IQSEC3: variants seen among roughly 807,000 people sequenced by gnomAD.
IQSEC3 encodes IQ motif and Sec7 domain ArfGEF 3.
In IQSEC3, 50 loss-of-function variants were observed where a neutral mutation model predicts 105.4. The ratio of observed to expected loss-of-function variants is 0.47; its 90% CI spans 0.38 to 0.60. The LOEUF is 0.60. IQSEC3 is among the 20% of genes least tolerant of loss of function. IQSEC3 has a pLI of 0.00. For synonymous variants in IQSEC3, 708 were observed against 746.0 expected (o/e 0.95, Z 0.83); for missense variants, 1,415 against 1,630.0 (o/e 0.87, Z 2.27).
At chr12:160,740 C>T (rs563866669) in intron 7 of IQSEC3, among the ~76,000 whole-genome samples, 1 of 152,264 alleles carries the variant, frequency 6.6e-6, no homozygotes, top group South Asian at 2.1e-4. Context: ...AGCTCTAAGC[C>T]CTTTGGTGGC....
At chr12:105,383 A>G (rs1234725294) in intron 2 of IQSEC3, among the ~76,000 whole-genome samples, 2 of 152,320 alleles carry the variant, frequency 1.3e-5, no homozygotes, top group East Asian at 3.9e-4. Flanking sequence ...GGGGTGGGAC[A>G]GAGTGGCACC....
chr12:90,160 A>G (rs1864037510), intron 1 of IQSEC3, among the ~76,000 whole-genome samples: 2 of 152,190 alleles, frequency 1.3e-5, no homozygotes, highest in Non-Finnish European at 2.9e-5. Flanking sequence ...GCAATTCCCT[A>G]ATGACTAGTG....
chr12:68,402 T>C (rs1453494561), intron 1 of IQSEC3, among the ~76,000 whole-genome samples: 3 of 152,172 alleles, frequency 2.0e-5, no homozygotes, highest in Non-Finnish European at 4.4e-5. Context: ...ATCACTGAAA[T>C]CTTGCCTTGG....
chr12:124,256 G>A (rs1555082553), intron 2 of IQSEC3, among the ~76,000 whole-genome samples: 1 of 151,908 alleles, frequency 6.6e-6, no homozygotes, highest in African/African-American at 2.4e-5. Context: ...GGGCGTGGTG[G>A]TGCATGCCTG....
At position 174,730 on chromosome 12, in the gene IQSEC3, G is replaced by A. The variant is rs780137448; in HGVS notation, c.3246G>A (p.Pro1082=). Residue 1082 remains proline, a synonymous_variant, in exon 14 of 14, where the codon CCG becomes CCA. Coordinates refer to ENST00000538872, the MANE Select transcript of IQSEC3 (RefSeq NM_001170738.2). ...AGCAGACCCCACCACTGCCGCCGCC[G>A]CCACCCACGCCCCCGGGCACCCTGG... ...PRQQTPPLPP[P]PPTPPGTLVQ... 30 of 1,588,960 alleles carry A rather than the reference G, an allele frequency of 1.9e-5. No individual in the cohort carries two copies. The highest frequency in any genetic ancestry group is 4.5e-5 in the East Asian group (2 of 44,626).
rs759072852 is a variant in IQSEC3, at chr12:177,872, C to G, written c.*2839C>G. The G allele has an allele frequency of 9.8e-5, 15 of 152,506 alleles. No homozygotes were observed. The highest frequency in any genetic ancestry group is 1.9e-4 in the Non-Finnish European group (13 of 68,362). The allele number at this position is 152,506 out of a possible 1,614,324, so 9.4% of individuals were successfully genotyped here. ...TGGGGGGTGCTCTCGGGCCTTCCTG[C>G]TCTCCTAAGGTTGCGGGGACAGTAG... On this transcript the variant is annotated 3_prime_UTR_variant, in exon 14 of 14. Coordinates refer to ENST00000538872, the MANE Select transcript of IQSEC3 (RefSeq NM_001170738.2). This position sits in a 1 kb window ranked among gnomAD's most constrained non-coding sequence, Gnocchi z 5.3.
intron 8 of IQSEC3, among the ~76,000 whole-genome samples, chr12:163,178 CT>C (rs1866983962): frequency 7.3e-6 from 1 of 136,694 alleles, no homozygotes; most frequent in Non-Finnish European, 1.6e-5. Context: ...CCCCTCCCCT[CT>C]CCTCCCTCCA....
At chr12:122,422 A>G (rs7975362) in intron 2 of IQSEC3, among the ~76,000 whole-genome samples, 86,369 of 152,104 alleles carry the variant, frequency 0.57, 25,140 homozygotes, top group East Asian at 0.69. Context: ...GTACATGAGT[A>G]TATGTGAGAG....
At chr12:86,547 T>C (rs544349976) in intron 1 of IQSEC3, among the ~76,000 whole-genome samples, 1 of 152,300 alleles carries the variant, frequency 6.6e-6, no homozygotes, top group African/African-American at 2.4e-5. Context: ...AGATAGATGC[T>C]GTCCATATCC....
chr12:84,283 A>G (rs535267512), intron 1 of IQSEC3, among the ~76,000 whole-genome samples: 1 of 152,340 alleles, frequency 6.6e-6, no homozygotes, highest in East Asian at 1.9e-4. Flanking sequence ...TGACTGGCAG[A>G]GTACCACCCA....
At chr12:127,573 G>GA (rs782684462) in intron 3 of IQSEC3, among the ~76,000 whole-genome samples, 5,443 of 145,184 alleles carry the variant, frequency 0.037, 307 homozygotes, top group African/African-American at 0.12. Flanking sequence ...TGGTTTTAAT[G>GA]AAAAAAAAAA....
At chr12:117,368 A>G (rs1178598381) in intron 2 of IQSEC3, among the ~76,000 whole-genome samples, 3 of 152,238 alleles carry the variant, frequency 2.0e-5, no homozygotes, top group African/African-American at 7.2e-5. Flanking sequence ...TGTTTATGAC[A>G]ATGTAAAATG....
At chr12:158,901 C>G (rs1482718365) in intron 7 of IQSEC3, among the ~76,000 whole-genome samples, 1 of 152,212 alleles carries the variant, frequency 6.6e-6, no homozygotes, top group Non-Finnish European at 1.5e-5. Flanking sequence ...TCAGGTGATC[C>G]GCCTGCCTCA....
chr12:117,400 G>A (rs1257465485), intron 2 of IQSEC3, among the ~76,000 whole-genome samples: 3 of 152,268 alleles, frequency 2.0e-5, no homozygotes, highest in Admixed American at 1.3e-4. Flanking sequence ...TAGGATTCCG[G>A]GGGCAGTAAG....
chr12:99,467 G>A (rs782673403), intron 2 of IQSEC3, among the ~76,000 whole-genome samples: 10 of 152,158 alleles, frequency 6.6e-5, no homozygotes, highest in South Asian at 2.1e-4. Flanking sequence ...CCTTCTAAAC[G>A]GCCCATGTAA....
Position 168,956 on chromosome 12 carries a change from G to A in IQSEC3, c.2972-57G>A, listed in dbSNP as rs549937030. The A allele has an allele frequency of 8.6e-4, 1,223 of 1,430,218 alleles. 2 individuals are homozygous for A. Among genetic ancestry groups the A allele is most frequent in the Non-Finnish European group, 1.1e-3 (1,087 of 1,014,716 alleles). The allele number at this position is 1,430,218 out of a possible 1,614,324, so 88.6% of individuals were successfully genotyped here. On this transcript the variant is annotated intron_variant, in intron 11 of 13. Coordinates refer to ENST00000538872, the MANE Select transcript of IQSEC3 (RefSeq NM_001170738.2). ...CTGCTGGCCCCTCATTTCCTGCCTCGCCTCTGTGTGGTTGAGGTTAAGGTT... is the reference window on the plus strand; with the variant it reads ...CTGCTGGCCCCTCATTTCCTGCCTCACCTCTGTGTGGTTGAGGTTAAGGTT...
chr12:172,080 G>A (rs1250116700), intron 13 of IQSEC3, among the ~76,000 whole-genome samples: 2 of 152,126 alleles, frequency 1.3e-5, no homozygotes, highest in African/African-American at 4.8e-5. Flanking sequence ...TGCTCATACA[G>A]ACACCTCCCT....
chr12:76,721 C>T (rs773486153), intron 1 of IQSEC3, among the ~76,000 whole-genome samples: 1 of 152,274 alleles, frequency 6.6e-6, no homozygotes, highest in Non-Finnish European at 1.5e-5. Flanking sequence ...TGGAAGGGGA[C>T]AGGTACAGGA....
chr12:160,393 TA>T lies in IQSEC3; in HGVS notation c.2444-1532del, dbSNP rs1475237272. On this transcript the variant is annotated intron_variant, in intron 7 of 13. Coordinates refer to ENST00000538872, the MANE Select transcript of IQSEC3 (RefSeq NM_001170738.2). ...GAGACCCTACTGCAGTATCTGGAGA[TA>T]TTTTTTTCTTGTTCTGCCTGATACC... 5.9e-5 allele frequency among the ~76,000 whole-genome samples: 9 copies of T among 152,316 alleles called. No homozygotes were observed. In the South Asian group the frequency reaches 1.7e-3, roughly 28 times the overall value.
Sources: gnomAD v4.1 joint callset for allele counts (sites outside exome capture counted in the v4.1 genomes callset) on GRCh38, gnomAD v4.1.1 for gene constraint, Gnocchi (gnomAD v3.1) non-coding constraint, MANE v1.5 for transcripts, NCBI Gene and HGNC (gene_info 2026-07-23, HGNC 2026-07-21) for gene names.